Variants in DNAH8 observed in about 807,000 individuals in gnomAD.
DNAH8 encodes the protein axonemal beta dynein heavy chain 8.
DNAH8 carries 382 observed loss-of-function variants against 562.1 expected under a neutral mutation model. That is an observed-to-expected ratio of 0.68 (90% CI 0.63 to 0.74). The LOEUF (loss-of-function observed/expected upper bound fraction) is 0.74. Among genes scored for constraint, DNAH8 ranks in the 30% least tolerant of loss-of-function variants. DNAH8 has a pLI of 0.00. For synonymous variants in DNAH8, 1,881 were observed against 1,919.4 expected, an observed-to-expected ratio of 0.98 and a Z score of 0.52; for missense variants, 5,203 against 5,620.4, an observed-to-expected ratio of 0.93 and a Z score of 2.37.
chr6:38,784,086 C>T (rs746629169), intron 17 of DNAH8, among the ~76,000 whole-genome samples: 4 of 152,168 alleles, frequency 2.6e-5, no homozygotes, highest in Non-Finnish European at 5.9e-5. Flanking sequence ...TCCTAGAGGA[C>T]AGTGCCCCAA....
intron 82 of DNAH8, among the ~76,000 whole-genome samples, chr6:38,958,423 A>AAAC (rs1422554244): frequency 6.6e-6 from 1 of 151,608 alleles, no homozygotes; most frequent in Non-Finnish European, 1.5e-5. Context: ...GGAAAAAAAA[A>AAAC]AAAACAGAGA....
At chr6:38,716,385 C>T (rs1762347606) in intron 1 of DNAH8, among the ~76,000 whole-genome samples, 1 of 152,146 alleles carries the variant, frequency 6.6e-6, no homozygotes, top group African/African-American at 2.4e-5. Context: ...ACTGAATTTA[C>T]CACTTTTCCC....
In DNAH8 at chr6:38,728,759, A is replaced by T. The variant is rs34128177; in HGVS notation, c.526-1143A>T. On this transcript the variant is annotated intron_variant, in intron 3 of 92. Coordinates refer to ENST00000327475, the MANE Select transcript of DNAH8 (RefSeq NM_001206927.2). Reference sequence around the variant, plus strand: ...TGGTCCCAGGACCAGTTGCATCAGCATCACCTGGAACTTGATAGGAATGCA... The same window carrying T: ...TGGTCCCAGGACCAGTTGCATCAGCTTCACCTGGAACTTGATAGGAATGCA... Among the ~76,000 whole-genome samples the T allele has an allele frequency of 3.3e-5, 5 of 152,088 alleles. No homozygotes were observed. The East Asian group carries it at 7.7e-4, about 23-fold the overall frequency.
At chr6:38,876,176 TAACGGATCA>T (rs1285032892) in intron 53 of DNAH8, among the ~76,000 whole-genome samples, 1 of 152,194 alleles carries the variant, frequency 6.6e-6, no homozygotes, top group Non-Finnish European at 1.5e-5. Flanking sequence ...CTAATACACA[TAACGGATCA>T]GCCCCACAAT....
In DNAH8 at chr6:38,873,315, C is replaced by T; in HGVS notation, c.7559C>T (p.Thr2520Ile). 1 of 1,613,636 alleles carries T rather than the reference C, an allele frequency of 6.2e-7. No individual in the cohort carries two copies. The highest frequency in any genetic ancestry group is 8.5e-7 in the Non-Finnish European group (1 of 1,179,804). ...LYEKVFEDTY[T>I]YMKLNLNPKM... Reference sequence around the variant, plus strand: ...GAGAAAGTCTTTGAAGATACATACACATATATGAAGCTAAATCTCAATCCC... The same window carrying T: ...GAGAAAGTCTTTGAAGATACATACATATATATGAAGCTAAATCTCAATCCC... Residue 2520 changes from threonine to isoleucine, a missense_variant, in exon 52 of 93, where the codon ACA (threonine) becomes ATA (isoleucine). Transcript: ENST00000327475.
chr6:38,783,272 C>T, intron 17 of DNAH8, 133 bp downstream of exon 17: 2 of 680,220 alleles, frequency 2.9e-6, no homozygotes, highest in Non-Finnish European at 4.7e-6. Flanking sequence ...AGGGATGCTA[C>T]AGTGGTTTAT....
At chr6:38,741,937 G>C in intron 8 of DNAH8, 50 bp downstream of exon 8, 1 of 1,504,090 alleles carries the variant, frequency 6.6e-7, no homozygotes, top group Non-Finnish European at 9.0e-7. Context: ...CAAGCAACTA[G>C]AAAATTATCC....
In DNAH8 at chr6:38,734,471, C is replaced by T; in HGVS notation, c.611-3C>T. 1 of 1,613,240 alleles carries T rather than the reference C, an allele frequency of 6.2e-7. No homozygotes were observed. The highest frequency in any genetic ancestry group is 8.5e-7 in the Non-Finnish European group (1 of 1,179,788). On this transcript the variant is annotated splice_polypyrimidine_tract_variant and splice_region_variant and intron_variant, in intron 4 of 92. Coordinates refer to ENST00000327475, the MANE Select transcript of DNAH8 (RefSeq NM_001206927.2). ...ACGCTAAGTTCTTGACTTTTGTTTT[C>T]AGAATGTGGTCGAACTATTGCTGGA...
At chr6:38,810,545 C>A (rs1294442895) in intron 24 of DNAH8, among the ~76,000 whole-genome samples, 1 of 151,932 alleles carries the variant, frequency 6.6e-6, no homozygotes. Context: ...TGAGTCAAGA[C>A]TGTGCCATTG....
At chr6:38,872,438 G>T in intron 49 of DNAH8, 98 bp from the exon 50 acceptor site, 1 of 1,334,148 alleles carries the variant, frequency 7.5e-7, no homozygotes, top group African/African-American at 1.5e-5. Flanking sequence ...TTACGTTAAT[G>T]AAGAGCTTAT....
chr6:38,962,985 G>C (rs1762711234), intron 82 of DNAH8, among the ~76,000 whole-genome samples: 1 of 152,148 alleles, frequency 6.6e-6, no homozygotes, highest in East Asian at 1.9e-4. Context: ...GAAAAGGTTT[G>C]AGGGTGTGAG....
intron 36 of DNAH8, among the ~76,000 whole-genome samples, chr6:38,846,522 G>C (rs1775311172): frequency 6.6e-6 from 1 of 152,162 alleles, no homozygotes; most frequent in African/African-American, 2.4e-5. Flanking sequence ...GTTGCATGCT[G>C]CATGACCTCT....
intron 85 of DNAH8, among the ~76,000 whole-genome samples, chr6:38,977,844 C>G (rs1406381418): frequency 6.6e-6 from 1 of 152,144 alleles, no homozygotes; most frequent in Admixed American, 6.5e-5. Flanking sequence ...GTCTTCTCAG[C>G]CAATTATCTA....
rs762703741 is a variant in DNAH8, at chr6:38,873,219, C to T, written c.7480-17C>T. 1.9e-6 allele frequency: 3 copies of T among 1,612,728 alleles called. No individual in the cohort carries two copies. The highest frequency in any genetic ancestry group is 1.7e-6 in the Non-Finnish European group (2 of 1,179,676). ...TTCACTTTCTCAATAAACACAGATT[C>T]TGTTTCTTTGTTGCAGGCATGGTTG... On this transcript the variant is annotated splice_polypyrimidine_tract_variant and intron_variant, in intron 51 of 92. Transcript: ENST00000327475.
In DNAH8 at chr6:38,816,383, G is replaced by A. The variant is rs561714744; in HGVS notation, c.3523+726G>A. 1.0e-3 allele frequency among the ~76,000 whole-genome samples: 154 copies of A among 152,142 alleles called. 1 individual carries two copies. Among genetic ancestry groups the A allele is most frequent in the African/African-American group, 2.5e-3 (104 of 41,502 alleles). On this transcript the variant is annotated intron_variant, in intron 26 of 92. Transcript: ENST00000327475. ...TAGTTTGCCAAGGATAATGGCTTCC[G>A]GCTCCATCTATGTCCTTGCAAAGGA...
chr6:38,966,868 G>A (rs569892681), intron 82 of DNAH8, among the ~76,000 whole-genome samples: 40 of 152,240 alleles, frequency 2.6e-4, no homozygotes, highest in Admixed American at 1.1e-3. Flanking sequence ...GACCTTGGCC[G>A]ATTCAGTAGC....
chr6:38,764,443 T>C (rs1766811207), intron 11 of DNAH8: 1 of 152,314 alleles, frequency 6.6e-6, no homozygotes, highest in Non-Finnish European at 1.5e-5. Flanking sequence ...AAATTGAGCC[T>C]CTAAAAACTT....
intron 21 of DNAH8, among the ~76,000 whole-genome samples, chr6:38,800,962 T>C (rs1770730214): frequency 6.6e-6 from 1 of 152,222 alleles, no homozygotes; most frequent in African/African-American, 2.4e-5. Flanking sequence ...ATCAGATATA[T>C]GATTTACAGT....
Position 38,807,622 on chromosome 6 carries a change from G to A in DNAH8, c.3163G>A (p.Val1055Ile). ...EDEFKKECKE[V>I]FAFFSHQLLD... The stretch of plus-strand genomic sequence containing the variant: ...TTTCTTATTACAGGAGTGTAAAGAG[G>A]TCTTTGCTTTTTTCTCTCATCAATT... Residue 1055 changes from valine to isoleucine, a missense_variant, in exon 24 of 93, where the codon GTC becomes ATC. Val to Ile is a conservative substitution (Grantham distance 29, BLOSUM62 3). Around this residue, in one of 6 missense-constraint regions of DNAH8, gnomAD observed 2,176 missense variants for 2,365.1 expected, o/e 0.92. Coordinates refer to ENST00000327475, the MANE Select transcript of DNAH8 (RefSeq NM_001206927.2). 5 of 1,534,440 alleles carry A rather than the reference G, an allele frequency of 3.3e-6. No individual in the cohort carries two copies. The highest frequency in any genetic ancestry group is 1.4e-5 in the African/African-American group (1 of 71,710).
Sources: gnomAD v4.1 joint callset for allele counts (sites outside exome capture counted in the v4.1 genomes callset) on GRCh38, gnomAD v4.1.1 for gene constraint, gnomAD v4.1.1 regional missense constraint, MANE v1.5 for transcripts, NCBI Gene and HGNC (gene_info 2026-07-23, HGNC 2026-07-21) for gene names.